POU2AF3: variants seen among roughly 807,000 people sequenced by gnomAD.
POU2AF3 encodes cancer susceptibility candidate 13.
the POU2AF3 span, chr11:111,300,051 A>C: frequency 2.5e-6 from 1 of 395,348 alleles, no homozygotes; most frequent in Non-Finnish European, 4.4e-6. Flanking sequence ...CTTCCATGCT[A>C]GTGGGAACAT....
the POU2AF3 span, chr11:111,299,776 G>A: frequency 1.7e-6 from 2 of 1,190,134 alleles, no homozygotes; most frequent in Non-Finnish European, 2.1e-6. Flanking sequence ...GAAGGAGGGA[G>A]GAGGGCAAGA....
chr11:111,304,911 T>G, the POU2AF3 span: 4 of 1,230,232 alleles, frequency 3.3e-6, no homozygotes, highest in East Asian at 9.5e-5. Flanking sequence ...TTCACGGTGA[T>G]ATTCTTGCTT....
chr11:111,302,304 C>T, the POU2AF3 span, among the ~76,000 whole-genome samples: 4 of 152,192 alleles, frequency 2.6e-5, no homozygotes, highest in African/African-American at 7.2e-5. Flanking sequence ...AGCCTCAACC[C>T]CTTCAGTTCA....
chr11:111,300,110 GC>G, the POU2AF3 span: 11 of 383,000 alleles, frequency 2.9e-5, no homozygotes, highest in Admixed American at 4.5e-5. Context: ...AAAGCCCCCT[GC>G]CCCAGGCCTG....
the POU2AF3 span, chr11:111,304,837 G>T: frequency 5.6e-6 from 4 of 708,144 alleles, no homozygotes; most frequent in Admixed American, 4.3e-5. Context: ...CCTTATAGCA[G>T]AAAGAAACAT....
chr11:111,302,296 C>G, the POU2AF3 span, among the ~76,000 whole-genome samples: 1 of 152,182 alleles, frequency 6.6e-6, no homozygotes, highest in African/African-American at 2.4e-5. Context: ...AGTCTGATAG[C>G]CTCAACCCCT....
the POU2AF3 span, among the ~76,000 whole-genome samples, chr11:111,307,515 A>C: frequency 0.026 from 4,007 of 152,336 alleles, 86 homozygotes; most frequent in Non-Finnish European, 0.041. Context: ...AGGTTTTCTC[A>C]GTAACAATTG....
At chr11:111,300,900 G>A in the POU2AF3 span, among the ~76,000 whole-genome samples, 2 of 152,226 alleles carry the variant, frequency 1.3e-5, no homozygotes, top group Non-Finnish European at 2.9e-5. Context: ...TGCAGGGGGA[G>A]GAGCGGCCAG....
At chr11:111,303,766 C>G in the POU2AF3 span, among the ~76,000 whole-genome samples, 1 of 152,158 alleles carries the variant, frequency 6.6e-6, no homozygotes. Context: ...ACAGCTCTCC[C>G]TGTGGCTCAG....
chr11:111,304,929 G>A, the POU2AF3 span: 10 of 1,232,652 alleles, frequency 8.1e-6, no homozygotes, highest in African/African-American at 4.7e-5. Flanking sequence ...CTTTGACAGC[G>A]GTCCGGAGGC....
At chr11:111,306,476 A>G in the POU2AF3 span, 1 of 1,513,464 alleles carries the variant, frequency 6.6e-7, no homozygotes, top group Non-Finnish European at 8.8e-7. Context: ...TTTCATGTGA[A>G]GAAAACTCAA....
the POU2AF3 span, among the ~76,000 whole-genome samples, chr11:111,301,349 C>T: frequency 2.0e-5 from 3 of 152,212 alleles, no homozygotes; most frequent in African/African-American, 4.8e-5. Context: ...CAAGAGAGGG[C>T]AGCTCATCCC....
chr11:111,307,694 G>A, the POU2AF3 span, among the ~76,000 whole-genome samples: 5 of 152,340 alleles, frequency 3.3e-5, no homozygotes, highest in African/African-American at 1.2e-4. Context: ...TGAGGGTGTG[G>A]AGAAACATCC....
At chr11:111,301,339 C>G in the POU2AF3 span, among the ~76,000 whole-genome samples, 38,053 of 152,098 alleles carry the variant, frequency 0.25, 5,325 homozygotes, top group South Asian at 0.47. Flanking sequence ...GGTTATTGCC[C>G]AAGAGAGGGC....
At chr11:111,298,974 T>C in the POU2AF3 span, 2 of 1,008,318 alleles carry the variant, frequency 2.0e-6, no homozygotes, top group Non-Finnish European at 2.4e-6. Flanking sequence ...TGAGCCGAGC[T>C]GTGGCGGTCC....
At chr11:111,304,246 G>A in the POU2AF3 span, among the ~76,000 whole-genome samples, 2 of 152,122 alleles carry the variant, frequency 1.3e-5, no homozygotes, top group African/African-American at 4.8e-5. Flanking sequence ...ACTCCCTAAG[G>A]CTAAGTAGCC....
the POU2AF3 span, among the ~76,000 whole-genome samples, chr11:111,307,287 G>A: frequency 3.3e-5 from 5 of 152,136 alleles, no homozygotes; most frequent in Non-Finnish European, 7.4e-5. Flanking sequence ...TATTTCAGTT[G>A]TCTTTTAGAG....
the POU2AF3 span, chr11:111,298,826 G>GCCGGGGGCCCCCC: frequency 2.5e-6 from 2 of 790,962 alleles, no homozygotes; most frequent in Non-Finnish European, 3.4e-6. Context: ...CGTACCCCAG[G>GCCGGGGGCCCCCC]CCCCCGCCCG....
chr11:111,299,691 C>T, the POU2AF3 span: 32 of 1,231,644 alleles, frequency 2.6e-5, 1 homozygote, highest in Middle Eastern at 9.3e-4. Flanking sequence ...CCTCAGTGCG[C>T]CTCGGAGAAA....
Sources: allele counts gnomAD v4.1 joint callset (sites outside exome capture counted in the v4.1 genomes callset), GRCh38; gene constraint gnomAD v4.1.1; transcripts MANE v1.5; gene names NCBI Gene and HGNC (gene_info 2026-07-23, HGNC 2026-07-21).